PLCG2: variants seen among roughly 807,000 people sequenced by gnomAD.
PLCG2 encodes the protein phospholipase C gamma 2.
Under a neutral mutation model 175.6 loss-of-function variants are expected in PLCG2, and 69 were observed. That is an observed-to-expected ratio of 0.39 (90% CI 0.32 to 0.48). PLCG2 has a LOEUF of 0.48. Among genes scored for constraint, PLCG2 ranks in the 20% least tolerant of loss-of-function variants. The probability of loss-of-function intolerance (pLI) is 0.91; values close to 1 mark genes in which losing one functional copy is unlikely to be tolerated. For missense variants in PLCG2, 1,798 were observed against 1,650.9 expected (o/e 1.09, Z -1.54); for synonymous variants, 827 against 624.0 (o/e 1.33, Z -4.85).
intron 18 of PLCG2, among the ~76,000 whole-genome samples, chr16:81,912,170 C>T (rs371622211): frequency 1.3e-5 from 2 of 151,482 alleles, no homozygotes; most frequent in African/African-American, 2.4e-5. Flanking sequence ...TGGCTTCTCG[C>T]GATCCACCTG....
chr16:81,936,006 A>C (rs1029923839), intron 26 of PLCG2, 163 bp from the exon 27 acceptor site: 2 of 985,254 alleles, frequency 2.0e-6, no homozygotes, highest in African/African-American at 3.5e-5. Flanking sequence ...GCAAGAGTCC[A>C]CAGTGATACC....
chr16:81,856,017 C>A (rs35554443), intron 3 of PLCG2, among the ~76,000 whole-genome samples: 1 of 151,964 alleles, frequency 6.6e-6, no homozygotes, highest in Non-Finnish European at 1.5e-5. Context: ...ACCAGAAGAA[C>A]CCGGGTCTTG....
At chr16:81,765,955 G>A (rs926926715) in intron 2 of PLCG2, among the ~76,000 whole-genome samples, 1 of 152,240 alleles carries the variant, frequency 6.6e-6, no homozygotes, top group Admixed American at 6.5e-5. Flanking sequence ...GGTAACAGAT[G>A]CAGGCATTTG....
At chr16:81,803,796 C>T (rs112365458) in intron 2 of PLCG2, among the ~76,000 whole-genome samples, 1 of 151,906 alleles carries the variant, frequency 6.6e-6, no homozygotes, top group South Asian at 2.1e-4. Context: ...ATTCTCGTGC[C>T]TCAGCCTCCT....
intron 3 of PLCG2, among the ~76,000 whole-genome samples, chr16:81,855,856 A>C (rs1273345863): frequency 6.6e-6 from 1 of 152,162 alleles, no homozygotes; most frequent in East Asian, 1.9e-4. Flanking sequence ...GTAGGAAATG[A>C]GGAGCGAATG....
At chr16:81,795,949 G>A (rs1263087230) in intron 2 of PLCG2, among the ~76,000 whole-genome samples, 3 of 152,208 alleles carry the variant, frequency 2.0e-5, no homozygotes, top group Admixed American at 6.5e-5. Flanking sequence ...CATGCTAGAA[G>A]AACAGGGCCT....
At chr16:81,952,142 CAT>C (rs1244356397) in intron 31 of PLCG2, among the ~76,000 whole-genome samples, 1 of 151,756 alleles carries the variant, frequency 6.6e-6, no homozygotes, top group African/African-American at 2.4e-5. Flanking sequence ...AAGAAAAAAA[CAT>C]AAAATCTTAT....
At chr16:81,948,237 C>T (rs7205376) in intron 31 of PLCG2, among the ~76,000 whole-genome samples, 129,006 of 150,196 alleles carry the variant, frequency 0.86, 54,712 homozygotes, top group East Asian at 0.94. Context: ...ATAGTTTCTC[C>T]TAAGTTGTCG....
In PLCG2 at chr16:81,960,921, G is replaced by C. The variant is rs1297873847; in HGVS notation, c.*2923G>C. On this transcript the variant is annotated 3_prime_UTR_variant, in exon 33 of 33. Coordinates refer to ENST00000564138, the MANE Select transcript of PLCG2 (RefSeq NM_002661.5). ...TCTTCTCTAAGATTCATCTGCCTGA[G>C]AAAATGCCCTTTTCTCACCTTACAA... 4.4e-6 allele frequency: 1 copy of C among 229,246 alleles called. No homozygotes were observed. Among genetic ancestry groups the C allele is most frequent in the East Asian group, 6.3e-5 (1 of 15,986 alleles). The allele number at this position is 229,246 out of a possible 1,614,324, so 14.2% of individuals were successfully genotyped here. A position where few individuals can be genotyped will look rare whatever the true frequency, so the allele number is the denominator to read the frequency against.
chr16:81,893,900 A>C lies in PLCG2; in HGVS notation c.1072+106A>C. 6 of 674,906 alleles carry C rather than the reference A, an allele frequency of 8.9e-6. No homozygotes were observed. The South Asian group carries it at 1.0e-4, about 11-fold the overall frequency. The allele number at this position is 674,906 out of a possible 1,614,324, so 41.8% of individuals were successfully genotyped here. A position where few individuals can be genotyped will look rare whatever the true frequency, so the allele number is the denominator to read the frequency against. ...ATTGTAAAAAGGTTTTAATGGACAC[A>C]TAATAACTGTGCATATTTATGGAGT... On this transcript the variant is annotated intron_variant, in intron 12 of 32. Coordinates refer to ENST00000564138, the MANE Select transcript of PLCG2 (RefSeq NM_002661.5).
intron 1 of PLCG2, among the ~76,000 whole-genome samples, chr16:81,782,386 T>C (rs1910777520): frequency 6.6e-6 from 1 of 152,216 alleles, no homozygotes; most frequent in South Asian, 2.1e-4. Context: ...TTCAAGGCTT[T>C]TTTTTTTCTT....
At position 81,953,925 on chromosome 16, in the gene PLCG2, T is replaced by C; in HGVS notation, c.3571-2770T>C. On this transcript the variant is annotated intron_variant, in intron 31 of 32. Transcript: ENST00000564138. ...CTTGCGCCCGAATAACAAATACCCA[T>C]TATATAGAATAAAACAACAGAAGCC... 1.3e-5 allele frequency among the ~76,000 whole-genome samples: 2 copies of C among 152,138 alleles called. 1 individual carries two copies. The highest frequency in any genetic ancestry group is 2.9e-5 in the Non-Finnish European group (2 of 68,018).
chr16:81,905,593 G>A (rs1185231161), intron 15 of PLCG2, 86 bp downstream of exon 15: 27 of 806,446 alleles, frequency 3.3e-5, no homozygotes, highest in South Asian at 1.2e-4. Flanking sequence ...CTGAGAATAC[G>A]CCTGTCTTGT....
rs543525934 is a variant in PLCG2 at position 81,883,172 on chromosome 16, G to A, written c.693-97G>A. On this transcript the variant is annotated intron_variant, in intron 8 of 32. Transcript: ENST00000564138. ...AACACAGTGCCAGACTAAGTGGGGC[G>A]TTCTGGGTGGCAGGCTGCCCCATTG... The A allele has an allele frequency of 2.9e-4, 296 of 1,019,316 alleles. 2 individuals are homozygous for A. The highest frequency in any genetic ancestry group is 1.3e-3 in the South Asian group (100 of 77,666). 63.1% of individuals were successfully genotyped at this position (1,019,316 alleles called of 1,614,324 possible).
At chr16:81,822,294 C>G (rs977666752) in intron 2 of PLCG2, among the ~76,000 whole-genome samples, 2 of 152,158 alleles carry the variant, frequency 1.3e-5, no homozygotes, top group Non-Finnish European at 2.9e-5. Flanking sequence ...AGGTGGTAAG[C>G]ATGATTGATG....
chr16:81,826,256 T>A (rs1003015441), intron 2 of PLCG2, among the ~76,000 whole-genome samples: 1 of 152,142 alleles, frequency 6.6e-6, no homozygotes, highest in African/African-American at 2.4e-5. Context: ...CATCACTGTT[T>A]GGAGATGTGC....
chr16:81,768,065 T>C (rs1456926068), intron 2 of PLCG2, among the ~76,000 whole-genome samples: 1 of 152,078 alleles, frequency 6.6e-6, no homozygotes, highest in African/African-American at 2.4e-5. Flanking sequence ...AGTTTTTGTA[T>C]ATTTAGTACA....
chr16:81,942,075 G>T (rs4078270), intron 30 of PLCG2, among the ~76,000 whole-genome samples: 23,739 of 152,066 alleles, frequency 0.16, 1,937 homozygotes, highest in Non-Finnish European at 0.18. Context: ...TAGCCTTGAC[G>T]CTGTAACAGA....
rs953832963 is a variant in PLCG2 at position 81,961,643 on chromosome 16, G to A, written c.*3645G>A. 12 of 214,980 alleles carry A rather than the reference G, an allele frequency of 5.6e-5. No homozygotes were observed. The Admixed American group carries it at 5.9e-4, about 10-fold the overall frequency. 13.3% of individuals were successfully genotyped at this position (214,980 alleles called of 1,614,324 possible). Reference sequence around the variant, plus strand: ...GGGGCATTCCTTGCTACTAAAAATTGCCTTGTTCCAGGTAAGACTGATCAT... The same window carrying A: ...GGGGCATTCCTTGCTACTAAAAATTACCTTGTTCCAGGTAAGACTGATCAT... On this transcript the variant is annotated 3_prime_UTR_variant, in exon 33 of 33. Transcript: ENST00000564138.
Sources: gnomAD v4.1 joint callset for allele counts (sites outside exome capture counted in the v4.1 genomes callset) on GRCh38, gnomAD v4.1.1 for gene constraint, MANE v1.5 for transcripts, NCBI Gene and HGNC (gene_info 2026-07-23, HGNC 2026-07-21) for gene names.